The following LAMA2 variants were observed in gnomAD, a reference collection of about 807,000 sequenced individuals.
LAMA2 encodes laminin subunit alpha 2.
Under a neutral mutation model 364.8 loss-of-function variants are expected in LAMA2, and 269 were observed. That is an observed-to-expected ratio of 0.74 (90% CI 0.67 to 0.82). The LOEUF (loss-of-function observed/expected upper bound fraction) is 0.82, where lower values mean the gene tolerates loss of function less well. Ranked by LOEUF, LAMA2 falls within the 40% of genes least tolerant of loss-of-function variation. The pLI, the probability that LAMA2 is intolerant of heterozygous loss-of-function variation, is 0.00. For synonymous variants in LAMA2, 1,379 were observed against 1,370.6 expected (o/e 1.01, Z -0.14); for missense variants, 3,807 against 3,873.2 (o/e 0.98, Z 0.45).
At chr6:129,470,720 A>G (rs77479537) in intron 51 of LAMA2, among the ~76,000 whole-genome samples, 1 of 151,942 alleles carries the variant, frequency 6.6e-6, no homozygotes, top group African/African-American at 2.4e-5. Context: ...TAGCAAGACC[A>G]GAGATGACAG....
At chr6:129,362,785 C>T (rs1777541627) in intron 32 of LAMA2, among the ~76,000 whole-genome samples, 1 of 152,026 alleles carries the variant, frequency 6.6e-6, no homozygotes, top group Admixed American at 6.6e-5. Context: ...TTTCAGGTAA[C>T]AGTAATTTTA....
chr6:129,495,408 A>G (rs1208566872), intron 58 of LAMA2, among the ~76,000 whole-genome samples: 1 of 152,176 alleles, frequency 6.6e-6, no homozygotes, highest in African/African-American at 2.4e-5. Context: ...CCTTCATAAT[A>G]TGGCACCTAC....
chr6:129,062,798 G>A (rs1279914588), intron 3 of LAMA2, among the ~76,000 whole-genome samples: 2 of 151,834 alleles, frequency 1.3e-5, no homozygotes, highest in African/African-American at 2.4e-5. Context: ...ACAAGTGCCA[G>A]TATTGTTGTT....
intron 34 of LAMA2, among the ~76,000 whole-genome samples, chr6:129,382,424 G>A (rs1283565607): frequency 6.6e-6 from 1 of 152,108 alleles, no homozygotes; most frequent in African/African-American, 2.4e-5. Flanking sequence ...TGTAAATAGA[G>A]GTGAATGTGC....
intron 1 of LAMA2, among the ~76,000 whole-genome samples, chr6:128,883,805 C>CACAA (rs1245170379): frequency 1.0e-5 from 1 of 97,376 alleles, no homozygotes; most frequent in Admixed American, 9.4e-5. Context: ...TATATATACA[C>CACAA]ACACACACAC....
chr6:129,499,159 CA>C (rs1785428123), intron 58 of LAMA2, among the ~76,000 whole-genome samples: 1 of 152,190 alleles, frequency 6.6e-6, no homozygotes, highest in Non-Finnish European at 1.5e-5. Flanking sequence ...GTCCTCCTTT[CA>C]TATCCCATTT....
chr6:129,054,464 T>C (rs1020712493), intron 2 of LAMA2, among the ~76,000 whole-genome samples: 1 of 151,958 alleles, frequency 6.6e-6, no homozygotes, highest in African/African-American at 2.4e-5. Context: ...GAAAATTTCA[T>C]AGAGAATGTG....
chr6:129,048,209 C>T (rs1350878352), intron 1 of LAMA2, among the ~76,000 whole-genome samples: 1 of 152,122 alleles, frequency 6.6e-6, no homozygotes, highest in African/African-American at 2.4e-5. Flanking sequence ...GCAGATGATA[C>T]AGACAAACAT....
At chr6:129,488,027 T>C (rs946814540) in intron 56 of LAMA2, among the ~76,000 whole-genome samples, 1 of 152,150 alleles carries the variant, frequency 6.6e-6, no homozygotes, top group Non-Finnish European at 1.5e-5. Flanking sequence ...ATTTAAACTT[T>C]AGCCGGGCGT....
intron 1 of LAMA2, among the ~76,000 whole-genome samples, chr6:128,933,949 A>C (rs890624754): frequency 3.3e-5 from 5 of 152,110 alleles, no homozygotes; most frequent in African/African-American, 7.2e-5. Context: ...TGCTGCAGTT[A>C]CACTTCTTTG....
intron 28 of LAMA2, among the ~76,000 whole-genome samples, chr6:129,326,745 T>C (rs929933115): frequency 7.0e-6 from 1 of 142,622 alleles, no homozygotes; most frequent in Non-Finnish European, 1.5e-5. Context: ...TTATATATTA[T>C]ATATATAATT....
At chr6:128,964,921 G>C (rs193136439) in intron 1 of LAMA2, among the ~76,000 whole-genome samples, 1 of 151,966 alleles carries the variant, frequency 6.6e-6, no homozygotes, top group African/African-American at 2.4e-5. Context: ...TTATAAACTG[G>C]CTTGGTAGTT....
At chr6:129,459,479 G>A (rs577491007) in intron 48 of LAMA2, among the ~76,000 whole-genome samples, 3 of 151,946 alleles carry the variant, frequency 2.0e-5, no homozygotes, top group African/African-American at 4.8e-5. Flanking sequence ...ATTATTTGTC[G>A]ATTCTCTATT....
intron 62 of LAMA2, among the ~76,000 whole-genome samples, chr6:129,509,903 A>T (rs570687190): frequency 6.6e-6 from 1 of 152,050 alleles, no homozygotes; most frequent in Non-Finnish European, 1.5e-5. Context: ...TTTAATAGGG[A>T]TTATATTAAA....
At chr6:129,125,332 G>T (rs1777050470) in intron 4 of LAMA2, among the ~76,000 whole-genome samples, 1 of 152,206 alleles carries the variant, frequency 6.6e-6, no homozygotes, top group African/African-American at 2.4e-5. Flanking sequence ...ATTCAGATGA[G>T]AAATGCTGCT....
At chr6:129,335,356 G>GTAGA (rs35228622) in intron 29 of LAMA2, among the ~76,000 whole-genome samples, 39,727 of 148,322 alleles carry the variant, frequency 0.27, 5,352 homozygotes, top group African/African-American at 0.32. Context: ...TAGTAAGTAG[G>GTAGA]TAGATAGATA....
At chr6:129,066,194 C>T (rs1055441662) in intron 3 of LAMA2, among the ~76,000 whole-genome samples, 9 of 148,802 alleles carry the variant, frequency 6.0e-5, no homozygotes, top group East Asian at 3.9e-4. Flanking sequence ...TACAGGCGCC[C>T]GCCACTACGC....
intron 7 of LAMA2, among the ~76,000 whole-genome samples, chr6:129,153,772 A>G (rs1778948065): frequency 6.6e-6 from 1 of 152,202 alleles, no homozygotes; most frequent in Non-Finnish European, 1.5e-5. Context: ...TGTTATTAGT[A>G]TTAAAAGAAA....
chr6:129,103,661 G>T (rs181908535), intron 4 of LAMA2, among the ~76,000 whole-genome samples: 65 of 152,200 alleles, frequency 4.3e-4, no homozygotes, highest in Admixed American at 2.5e-3. Context: ...GTTAAACTGG[G>T]CTTCTGGATT....
Sources: gnomAD v4.1 joint callset for allele counts (sites outside exome capture counted in the v4.1 genomes callset) on GRCh38, gnomAD v4.1.1 for gene constraint, MANE v1.5 for transcripts, NCBI Gene and HGNC (gene_info 2026-07-23, HGNC 2026-07-21) for gene names.